PDLIM2: variants seen among roughly 807,000 people sequenced by gnomAD.
PDLIM2 encodes the protein PDZ and LIM domain protein 2.
Under a neutral mutation model 54.1 loss-of-function variants are expected in PDLIM2, and 51 were observed. The ratio of observed to expected loss-of-function variants is 0.94; its 90% CI spans 0.75 to 1.19. The LOEUF is 1.19. Among genes scored for constraint, PDLIM2 ranks in the 50% most tolerant of loss-of-function variants. PDLIM2 has a pLI of 0.00. For missense variants in PDLIM2, 912 were observed against 874.0 expected, an observed-to-expected ratio of 1.04 and a Z score of -0.55; for synonymous variants, 398 against 385.6, an observed-to-expected ratio of 1.03 and a Z score of -0.38.
intron 2 of PDLIM2, 91 bp downstream of exon 1, chr8:22,580,788 C>A: frequency 7.3e-7 from 1 of 1,378,082 alleles, no homozygotes; most frequent in Non-Finnish European, 1.0e-6. Context: ...CTTGCTTTTT[C>A]TGTTCTGGAG....
chr8:22,579,703 G>A, intron 1 of PDLIM2: 1 of 759,614 alleles, frequency 1.3e-6, no homozygotes. Flanking sequence ...GCCCCAGGAT[G>A]GGTGCTGGGC....
At chr8:22,581,992 G>T (rs970239389) in intron 3 of PDLIM2, among the ~76,000 whole-genome samples, 4 of 152,252 alleles carry the variant, frequency 2.6e-5, no homozygotes, top group African/African-American at 9.6e-5. Flanking sequence ...TCCTCATAGA[G>T]GCTGTCTGTT....
intron 6 of PDLIM2, among the ~76,000 whole-genome samples, chr8:22,585,998 T>C (rs1800372147): frequency 6.6e-6 from 1 of 151,844 alleles, no homozygotes; most frequent in African/African-American, 2.4e-5. Context: ...TCCTGGGTGG[T>C]ATTTCTCCTC....
chr8:22,581,623 C>G (rs1443956682), intron 3 of PDLIM2, 93 bp downstream of exon 2: 1 of 1,453,184 alleles, frequency 6.9e-7, no homozygotes, highest in Non-Finnish European at 9.1e-7. Flanking sequence ...TGGGCTAGAG[C>G]TCAGCCCTAA....
At chr8:22,579,614 G>A in intron 1 of PDLIM2, 5 of 1,334,206 alleles carry the variant, frequency 3.7e-6, no homozygotes, top group East Asian at 3.1e-5. Context: ...CTGGGCCCAA[G>A]GGGAAGGCAG....
intron 1 of PDLIM2, 90 bp from the exon 1 acceptor site, chr8:22,580,385 G>A: frequency 1.7e-6 from 2 of 1,207,620 alleles, no homozygotes; most frequent in Non-Finnish European, 2.2e-6. Context: ...CTAAGGAAGG[G>A]AGAACCCAGA....
downstream of PDLIM2, chr8:22,594,754 C>T: frequency 1.4e-6 from 2 of 1,465,508 alleles, no homozygotes; most frequent in Non-Finnish European, 1.8e-6. Flanking sequence ...AGACTGCTGG[C>T]TTCATTGGTG....
chr8:22,585,592 C>T (rs1800351427), intron 6 of PDLIM2, 193 bp downstream of exon 5: 1 of 256,956 alleles, frequency 3.9e-6, no homozygotes, highest in Non-Finnish European at 6.9e-6. Context: ...GTGCTGTGCC[C>T]AAGACCTGCC....
At chr8:22,596,424 G>C (rs917257443), downstream of PDLIM2, 5 of 152,300 alleles carry the variant, frequency 3.3e-5, no homozygotes, top group African/African-American at 1.2e-4. Flanking sequence ...AGCCCGGCTC[G>C]GGAGCAAACT....
At chr8:22,586,455 G>A (rs531591213) in intron 6 of PDLIM2, among the ~76,000 whole-genome samples, 1 of 152,344 alleles carries the variant, frequency 6.6e-6, no homozygotes, top group Admixed American at 6.5e-5. Context: ...TCTGGGAGGG[G>A]AGGGGAAGGA....
intron 8 of PDLIM2, 130 bp downstream of exon 7, chr8:22,589,871 G>A (rs867427189): frequency 5.3e-6 from 7 of 1,312,322 alleles, no homozygotes; most frequent in Middle Eastern, 1.9e-4. Context: ...GCACGGAGCC[G>A]AGCAGAGCGC....
At chr8:22,591,164 G>C in intron 8 of PDLIM2, 1 of 270,044 alleles carries the variant, frequency 3.7e-6, no homozygotes, top group Non-Finnish European at 7.3e-6. Flanking sequence ...TGGCTTGAGA[G>C]CTCAGATGTG....
chr8:22,580,702 G>A lies in PDLIM2; in HGVS notation c.843+5G>A. ...ACGCCCATCATGGTGACTAAGGTAA[G>A]GATGGTGGCTCAAAGAGATGAGAAG... On this transcript the variant is annotated splice_donor_5th_base_variant and intron_variant, in intron 2 of 9. Transcript: ENST00000308354. The A allele has an allele frequency of 6.2e-7, 1 of 1,613,758 alleles. No individual in the cohort carries two copies. Among genetic ancestry groups the A allele is most frequent in the Non-Finnish European group, 8.5e-7 (1 of 1,179,828 alleles).
downstream of PDLIM2, chr8:22,594,533 G>T (rs755565429): frequency 2.7e-5 from 43 of 1,613,980 alleles, no homozygotes; most frequent in South Asian, 4.5e-4. Context: ...TTTACAGGAG[G>T]ACGCTTGTGC....
downstream of PDLIM2, chr8:22,594,304 T>C (rs977026221): frequency 2.5e-5 from 35 of 1,413,104 alleles, no homozygotes; most frequent in Non-Finnish European, 3.0e-5. Context: ...ATAAAGTAGA[T>C]GTCCCTTCCT....
rs752313238 is a variant in PDLIM2 at position 22,589,343 on chromosome 8, C to T, written c.1336C>T (p.Pro446Ser). Residue 446 changes from proline (P) to serine (S), a missense_variant, in exon 7 of 10, where the codon CCT becomes TCT. Pro to Ser is a moderately conservative substitution (Grantham distance 74, BLOSUM62 -1). Coordinates refer to ENST00000308354, the Ensembl canonical transcript of PDLIM2. ...CGACTCGGCGGTGCTGGTGCTGCCG[C>T]CTTCCCCGGGCCCTCGTTCCTCCAG... 3.6e-5 allele frequency: 56 copies of T among 1,534,402 alleles called. No individual in the cohort carries two copies. The highest frequency in any genetic ancestry group is 4.5e-4 in the Middle Eastern group (2 of 4,410).
intron 2 of PDLIM2, 57 bp from the exon 2 acceptor site, chr8:22,581,322 G>A (rs933439087): frequency 3.9e-6 from 6 of 1,539,422 alleles, no homozygotes; most frequent in Non-Finnish European, 5.2e-6. Flanking sequence ...AGCAGAGTGG[G>A]AAGTCCCTTC....
intron 3 of PDLIM2, among the ~76,000 whole-genome samples, chr8:22,582,980 G>T (rs1800256006): frequency 1.4e-5 from 2 of 140,892 alleles, no homozygotes; most frequent in Non-Finnish European, 3.0e-5. Context: ...GAAGCCCTGG[G>T]GCAGGAAGCA....
exon 3 of PDLIM2, chr8:22,581,411 C>T (rs746037450): frequency 1.9e-6 from 3 of 1,607,332 alleles, no homozygotes; most frequent in Non-Finnish European, 1.7e-6. Context: ...AGGACGCTGA[C>T]CTCCGGCCTG....
Sources: gnomAD v4.1 joint callset for allele counts (sites outside exome capture counted in the v4.1 genomes callset) on GRCh38, gnomAD v4.1.1 for gene constraint, MANE v1.5 for transcripts, NCBI Gene and HGNC (gene_info 2026-07-23, HGNC 2026-07-21) for gene names.